Variants in LRBA observed in about 807,000 individuals in gnomAD.
LRBA encodes the protein LPS responsive beige-like anchor protein.
A neutral mutation model predicts 330.0 loss-of-function variants in LRBA; 176 were observed. The ratio of observed to expected loss-of-function variants is 0.53; its 90% CI spans 0.47 to 0.60. LRBA has a LOEUF of 0.60. Among genes scored for constraint, LRBA ranks in the 20% least tolerant of loss-of-function variants. LRBA has a pLI of 0.00. For missense variants in LRBA, 3,259 were observed against 3,444.8 expected (o/e 0.95, Z 1.35); for synonymous variants, 1,230 against 1,193.0 (o/e 1.03, Z -0.64).
intron 50 of LRBA, among the ~76,000 whole-genome samples, chr4:150,320,276 G>A (rs1449974847): frequency 2.0e-5 from 3 of 152,152 alleles, no homozygotes; most frequent in Admixed American, 6.5e-5. Context: ...GGCTGGAGTA[G>A]ATAAACTTTC....
At chr4:150,485,980 T>C (rs1581450381) in intron 42 of LRBA, among the ~76,000 whole-genome samples, 1 of 151,906 alleles carries the variant, frequency 6.6e-6, no homozygotes, top group African/African-American at 2.4e-5. Flanking sequence ...AACTTTTCAT[T>C]GTAAGACAAG....
At chr4:150,481,737 G>A (rs1021622404) in intron 42 of LRBA, among the ~76,000 whole-genome samples, 1 of 152,000 alleles carries the variant, frequency 6.6e-6, no homozygotes, top group Non-Finnish European at 1.5e-5. Context: ...CATCCATGTT[G>A]TTGCATGTAC....
At chr4:150,725,179 T>C (rs149814308) in intron 36 of LRBA, among the ~76,000 whole-genome samples, 2,168 of 151,536 alleles carry the variant, frequency 0.014, 55 homozygotes, top group African/African-American at 0.048. Context: ...AAGAGAGGGG[T>C]AGAAAGTCTA....
intron 42 of LRBA, among the ~76,000 whole-genome samples, chr4:150,472,764 G>A (rs1419329546): frequency 6.6e-6 from 1 of 151,962 alleles, no homozygotes; most frequent in African/African-American, 2.4e-5. Flanking sequence ...TTTGTGTCAG[G>A]TTTCTTTCAC....
At chr4:150,927,259 G>C (rs1165080463) in intron 4 of LRBA, among the ~76,000 whole-genome samples, 1 of 151,628 alleles carries the variant, frequency 6.6e-6, no homozygotes. Flanking sequence ...TGTAGTCCCA[G>C]CTACTTGGGA....
chr4:150,902,093 C>T (rs569524595), intron 13 of LRBA, among the ~76,000 whole-genome samples: 1 of 151,870 alleles, frequency 6.6e-6, no homozygotes, highest in Non-Finnish European at 1.5e-5. Flanking sequence ...TGAAAAAAGT[C>T]ATGAAGCAAT....
chr4:150,859,025 T>C (rs1319751944), intron 22 of LRBA, among the ~76,000 whole-genome samples: 2 of 152,198 alleles, frequency 1.3e-5, no homozygotes, highest in Non-Finnish European at 2.9e-5. Context: ...TTTTTTCTTA[T>C]GTACAGTGAC....
At chr4:150,436,669 T>A (rs1751150557) in intron 45 of LRBA, 55 bp downstream of exon 45, 9 of 1,488,118 alleles carry the variant, frequency 6.0e-6, no homozygotes, top group Non-Finnish European at 6.4e-6. Flanking sequence ...TTTTTGCATA[T>A]CCTTCACAAC....
rs867179096 is a variant in LRBA at position 150,910,663 on chromosome 4, T to G, written c.1162-1806A>C. The stretch of plus-strand genomic sequence containing the variant: ...TTTGGCTTCTGAGAATCCCTTGAGA[T>G]TCCACATTAATTTTAGAATTGTGCT... On this transcript the variant is annotated intron_variant, in intron 9 of 56. Coordinates refer to ENST00000651943, the MANE Select transcript of LRBA (RefSeq NM_001364905.1). 7.2e-5 allele frequency among the ~76,000 whole-genome samples: 11 copies of G among 152,300 alleles called. No individual in the cohort carries two copies. In the South Asian group the frequency reaches 2.3e-3, roughly 32 times the overall value.
At chr4:150,760,519 G>A (rs998737849) in intron 35 of LRBA, among the ~76,000 whole-genome samples, 11 of 151,470 alleles carry the variant, frequency 7.3e-5, no homozygotes, top group African/African-American at 2.7e-4. Flanking sequence ...ACGATCTTGA[G>A]GGATCTAGAT....
chr4:150,643,761 T>C (rs539314765), intron 37 of LRBA, among the ~76,000 whole-genome samples: 10 of 152,136 alleles, frequency 6.6e-5, no homozygotes, highest in Non-Finnish European at 8.8e-5. Context: ...GCATAGCCTA[T>C]GAGCTAAGAA....
chr4:150,816,302 G>C (rs755805098), intron 31 of LRBA, among the ~76,000 whole-genome samples: 1 of 151,852 alleles, frequency 6.6e-6, no homozygotes, highest in Non-Finnish European at 1.5e-5. Flanking sequence ...TGTTTTGGTA[G>C]GTACAATATC....
intron 22 of LRBA, among the ~76,000 whole-genome samples, chr4:150,862,306 TAAG>T (rs1230266591): frequency 3.3e-5 from 5 of 152,208 alleles, no homozygotes; most frequent in African/African-American, 1.2e-4. Context: ...TAGACTGGAT[TAAG>T]AAAATGTGGC....
At chr4:150,472,395 C>T (rs1252598131) in intron 42 of LRBA, among the ~76,000 whole-genome samples, 1 of 152,042 alleles carries the variant, frequency 6.6e-6, no homozygotes, top group African/African-American at 2.4e-5. Context: ...TAGGCTGTCA[C>T]AGTTCTTTCT....
At chr4:150,643,672 CA>C (rs1270993477) in intron 37 of LRBA, among the ~76,000 whole-genome samples, 6 of 151,648 alleles carry the variant, frequency 4.0e-5, no homozygotes, top group Non-Finnish European at 8.8e-5. Context: ...TTGTACATTT[CA>C]AAAAGATAGT....
At chr4:150,277,118 T>C (rs989879240) in intron 56 of LRBA, among the ~76,000 whole-genome samples, 3 of 152,200 alleles carry the variant, frequency 2.0e-5, no homozygotes, top group Admixed American at 6.5e-5. Flanking sequence ...GTTCATGTCC[T>C]TTGCAGGGAC....
intron 22 of LRBA, among the ~76,000 whole-genome samples, chr4:150,855,153 G>A (rs1751076099): frequency 6.6e-6 from 1 of 152,142 alleles, no homozygotes; most frequent in African/African-American, 2.4e-5. Context: ...AGCTACTCAG[G>A]AAGCTGAGGC....
rs745845253 is a variant in LRBA at position 150,916,411 on chromosome 4, T to C, written c.884A>G (p.Lys295Arg). The C allele has an allele frequency of 1.2e-6, 2 of 1,613,078 alleles. No homozygotes were observed. Among genetic ancestry groups the C allele is most frequent in the Admixed American group, 3.3e-5 (2 of 59,886 alleles). Reference protein sequence around the residue: ...GFQHCVKFDFKPQKWYMVTIV... With the variant: ...GFQHCVKFDFRPQKWYMVTIV... ...AAGAAGATCATGTACCTTTTGTGGC[T>C]TGAAATCAAATTTCACACAGTGTTG... is the stretch of plus-strand genomic sequence containing the variant. The change falls in exon 7 of 57, where the codon AAG becomes AGG. Residue 295 changes from lysine to arginine, a missense_variant. By Grantham distance (26) the Lys-to-Arg change is conservative. Transcript: ENST00000651943.
rs1166258578 is a variant in LRBA at position 151,009,008 on chromosome 4, TATATATATATATATATATAA to T, written c.216+5399_216+5418del. On this transcript the variant is annotated intron_variant, in intron 2 of 56. Transcript: ENST00000651943. ...AAAAAAATATATATATATATATATA[TATATATATATATATATATAA>T]AATGGTATTTTTTTTTCTTATACAG... 1.9e-4 allele frequency among the ~76,000 whole-genome samples: 5 copies of T among 25,686 alleles called. 1 individual carries two copies. The highest frequency in any genetic ancestry group is 4.2e-4 in the African/African-American group (4 of 9,484). The allele number at this position is 25,686 out of a possible 152,430, so 16.9% of individuals were successfully genotyped here.
Sources: gnomAD v4.1 joint callset for allele counts (sites outside exome capture counted in the v4.1 genomes callset) on GRCh38, gnomAD v4.1.1 for gene constraint, MANE v1.5 for transcripts, NCBI Gene and HGNC (gene_info 2026-07-23, HGNC 2026-07-21) for gene names.